Variants in TOPAZ1 observed in about 807,000 individuals in gnomAD.
TOPAZ1 encodes the protein testis and ovary specific TOPAZ 1, also known as protein TOPAZ1.
In TOPAZ1, 66 loss-of-function variants were observed where a neutral mutation model predicts 172.2. The observed-to-expected ratio is 0.38, with a 90% CI of 0.31 to 0.47. TOPAZ1 has a LOEUF of 0.47. Ranked by LOEUF, TOPAZ1 falls within the 20% of genes least tolerant of loss-of-function variation. The pLI, the probability that TOPAZ1 is intolerant of heterozygous loss-of-function variation, is 0.99. For synonymous variants in TOPAZ1, 681 were observed against 683.9 expected (o/e 1.00, Z 0.07); for missense variants, 1,822 against 1,972.4 (o/e 0.92, Z 1.44).
At chr3:44,331,645 G>T in intron 19 of TOPAZ1, 147 bp from the exon 20 acceptor site, 1 of 695,144 alleles carries the variant, frequency 1.4e-6, no homozygotes, top group Non-Finnish European at 2.4e-6. Flanking sequence ...TGTGGGTCAT[G>T]ATCAAAAAAG....
At position 44,328,297 on chromosome 3, in the gene TOPAZ1, C is replaced by T. The variant is rs1320960859; in HGVS notation, c.4723C>T (p.Arg1575Ter). 1 of 1,509,970 alleles carries T rather than the reference C, an allele frequency of 6.6e-7. No individual in the cohort carries two copies. The highest frequency in any genetic ancestry group is 1.3e-5 in the South Asian group (1 of 76,968). The allele number at this position is 1,509,970 out of a possible 1,614,324, so 93.5% of individuals were successfully genotyped here. Residue 1575 changes from arginine (R) to a stop codon, truncating the protein, a stop_gained, in exon 19 of 20, where the codon CGA (arginine) becomes TGA (stop). Coordinates refer to ENST00000309765, the MANE Select transcript of TOPAZ1 (RefSeq NM_001145030.2). LOFTEE classifies it high-confidence loss of function. ...CYPPLEGNLY[R>*]KLLLIPSYLS... ...CCCACCATTGGAAGGAAATTTATAC[C>T]GAAAACTTCTTCTAATTCCATCTTA...
intron 19 of TOPAZ1, among the ~76,000 whole-genome samples, chr3:44,329,633 T>C (rs1049717019): frequency 6.6e-6 from 1 of 152,236 alleles, no homozygotes; most frequent in Non-Finnish European, 1.5e-5. Flanking sequence ...AAGACTCCTG[T>C]GTCGGAGACA....
At chr3:44,251,120 CTTTT>C (rs1048446200) in intron 2 of TOPAZ1, among the ~76,000 whole-genome samples, 1 of 147,774 alleles carries the variant, frequency 6.8e-6, no homozygotes, top group Non-Finnish European at 1.5e-5. Context: ...TTTTTTCTCT[CTTTT>C]TTTTTTCTTT....
At chr3:44,256,379 T>C (rs1699703784) in intron 4 of TOPAZ1, 101 bp downstream of exon 4, 1 of 1,076,320 alleles carries the variant, frequency 9.3e-7, no homozygotes, top group Non-Finnish European at 1.3e-6. Flanking sequence ...TGTAACTCCC[T>C]TTATTGAATA....
intron 8 of TOPAZ1, among the ~76,000 whole-genome samples, chr3:44,271,122 A>G (rs770555582): frequency 3.9e-5 from 6 of 152,114 alleles, no homozygotes; most frequent in Admixed American, 6.5e-5. Context: ...AGTGTTCCCC[A>G]TGTCTTTTGG....
At chr3:44,246,758 A>G (rs1033452390) in intron 2 of TOPAZ1, among the ~76,000 whole-genome samples, 1 of 152,170 alleles carries the variant, frequency 6.6e-6, no homozygotes, top group Non-Finnish European at 1.5e-5. Flanking sequence ...CCTAACAACT[A>G]TGTGACCTTT....
At chr3:44,248,986 C>T (rs990086049) in intron 2 of TOPAZ1, among the ~76,000 whole-genome samples, 4 of 152,152 alleles carry the variant, frequency 2.6e-5, no homozygotes, top group African/African-American at 9.7e-5. Context: ...TAGAAGCATA[C>T]TAGAGCTCAT....
intron 12 of TOPAZ1, among the ~76,000 whole-genome samples, chr3:44,298,891 T>TTTTATA (rs1553650038): frequency 1.2e-4 from 2 of 17,118 alleles, no homozygotes; most frequent in Non-Finnish European, 1.8e-4. Context: ...TGTATATATA[T>TTTTATA]TATATATATA....
At chr3:44,320,502 G>A (rs1261231627) in intron 16 of TOPAZ1, among the ~76,000 whole-genome samples, 6 of 152,140 alleles carry the variant, frequency 3.9e-5, no homozygotes, top group Admixed American at 1.3e-4. Context: ...GGAGGCTGAG[G>A]CAGGAGAATC....
At chr3:44,283,009 T>C (rs1700040032) in intron 9 of TOPAZ1, among the ~76,000 whole-genome samples, 1 of 152,148 alleles carries the variant, frequency 6.6e-6, no homozygotes, top group Non-Finnish European at 1.5e-5. Context: ...GGATGAACTT[T>C]TAAATTCCAG....
At chr3:44,251,322 G>A (rs1405472556) in intron 2 of TOPAZ1, among the ~76,000 whole-genome samples, 1 of 152,104 alleles carries the variant, frequency 6.6e-6, no homozygotes, top group African/African-American at 2.4e-5. Context: ...GAATCTCACT[G>A]TGTTGCCCAA....
In TOPAZ1 at chr3:44,311,352, C is replaced by T. The variant is rs1029041458; in HGVS notation, c.4306+1362C>T. Among the ~76,000 whole-genome samples the T allele has an allele frequency of 1.6e-4, 25 of 152,100 alleles. 1 individual carries two copies. Among genetic ancestry groups the T allele is most frequent in the Admixed American group, 1.6e-3 (25 of 15,258 alleles). On this transcript the variant is annotated intron_variant, in intron 16 of 19. Coordinates refer to ENST00000309765, the MANE Select transcript of TOPAZ1 (RefSeq NM_001145030.2). ...AATTAATGAAATATAAGCCAGAGCT[C>T]ACAAGCTCTGTGAAGAAAGAAGCGA... is the stretch of plus-strand genomic sequence containing the variant.
chr3:44,282,087 T>A (rs1700029509), intron 9 of TOPAZ1, 56 bp downstream of exon 9: 2 of 1,191,966 alleles, frequency 1.7e-6, no homozygotes, highest in South Asian at 1.5e-5. Flanking sequence ...TTGAAAATAG[T>A]TTAAAAGTAA....
At chr3:44,257,352 G>GGGGTGTGT (rs1264696203) in intron 4 of TOPAZ1, among the ~76,000 whole-genome samples, 119 of 110,386 alleles carry the variant, frequency 1.1e-3, no homozygotes, top group Middle Eastern at 4.4e-3. Flanking sequence ...AAAACATAGG[G>GGGGTGTGT]GTGTGTGTGT....
intron 19 of TOPAZ1, among the ~76,000 whole-genome samples, chr3:44,330,102 T>C (rs2125707891): frequency 6.6e-6 from 1 of 152,268 alleles, no homozygotes; most frequent in African/African-American, 2.4e-5. Flanking sequence ...AGTCCACACT[T>C]AAGGGGAGGA....
intron 5 of TOPAZ1, among the ~76,000 whole-genome samples, chr3:44,266,634 C>T (rs951590598): frequency 6.6e-6 from 1 of 152,160 alleles, no homozygotes; most frequent in African/African-American, 2.4e-5. Context: ...TCAGAACACA[C>T]ACATCATTCA....
chr3:44,291,244 A>G (rs1357609367), intron 12 of TOPAZ1, among the ~76,000 whole-genome samples: 3 of 152,028 alleles, frequency 2.0e-5, no homozygotes, highest in East Asian at 1.9e-4. Context: ...TAGCTTAATA[A>G]AATACTTTAG....
chr3:44,319,313 A>T (rs777945610), intron 16 of TOPAZ1, among the ~76,000 whole-genome samples: 6 of 152,190 alleles, frequency 3.9e-5, no homozygotes, highest in Non-Finnish European at 7.4e-5. Flanking sequence ...ATATACCTAA[A>T]CAGTTTGATA....
At chr3:44,247,018 G>A (rs1380141280) in intron 2 of TOPAZ1, among the ~76,000 whole-genome samples, 1 of 152,052 alleles carries the variant, frequency 6.6e-6, no homozygotes, top group African/African-American at 2.4e-5. Context: ...TAAAGTGCAG[G>A]ACCTTTGTTC....
Sources: allele counts gnomAD v4.1 joint callset (sites outside exome capture counted in the v4.1 genomes callset), GRCh38; gene constraint gnomAD v4.1.1; transcripts MANE v1.5; gene names NCBI Gene and HGNC (gene_info 2026-07-23, HGNC 2026-07-21).